The following MYO3B variants were observed in gnomAD, a reference collection of about 807,000 sequenced individuals.
MYO3B encodes the protein myosin-IIIb.
A neutral mutation model predicts 174.6 loss-of-function variants in MYO3B; 156 were observed. The ratio of observed to expected loss-of-function variants is 0.89; its 90% CI spans 0.78 to 1.02. The LOEUF is 1.02. Among genes scored for constraint, MYO3B ranks in the 50% least tolerant of loss-of-function variants. The pLI, the probability that MYO3B is intolerant of heterozygous loss-of-function variation, is 0.00. For synonymous variants in MYO3B, 563 were observed against 569.1 expected, an observed-to-expected ratio of 0.99 and a Z score of 0.15; for missense variants, 1,632 against 1,639.4, an observed-to-expected ratio of 1.00 and a Z score of 0.08.
intron 3 of MYO3B, among the ~76,000 whole-genome samples, chr2:170,207,959 G>T (rs11898600): frequency 0.39 from 59,354 of 151,976 alleles, 11,521 homozygotes; most frequent in East Asian, 0.46. Context: ...TTAAAAGGGA[G>T]TCTGGGGGTG....
intron 22 of MYO3B, among the ~76,000 whole-genome samples, chr2:170,422,324 C>A (rs2094622187): frequency 6.6e-6 from 1 of 151,968 alleles, no homozygotes; most frequent in African/African-American, 2.4e-5. Flanking sequence ...TGCCTCAGCC[C>A]CCCAAGTAGT....
At position 170,466,467 on chromosome 2, in the gene MYO3B, G is replaced by T. The variant is rs772037236; in HGVS notation, c.2809-39G>T. ...TGTGTTGTAACTATCCATTGTGTTG[G>T]TGGTAACCTTGTTCCTTGTGCATTT... On this transcript the variant is annotated intron_variant, in intron 24 of 34. Coordinates refer to ENST00000408978, the MANE Select transcript of MYO3B (RefSeq NM_138995.5). 8 of 1,594,898 alleles carry T rather than the reference G, an allele frequency of 5.0e-6. No homozygotes were observed. In the Admixed American group the frequency reaches 1.3e-4, roughly 27 times the overall value.
chr2:170,484,278 T>C (rs990654582), intron 25 of MYO3B, among the ~76,000 whole-genome samples: 2 of 152,162 alleles, frequency 1.3e-5, no homozygotes, highest in African/African-American at 4.8e-5. Flanking sequence ...ACAGAGAGTA[T>C]GTGGATGATG....
At chr2:170,553,106 G>A (rs1161678886) in intron 32 of MYO3B, among the ~76,000 whole-genome samples, 1 of 152,196 alleles carries the variant, frequency 6.6e-6, no homozygotes, top group Non-Finnish European at 1.5e-5. Context: ...GAGCCTCATG[G>A]AGAACCTCTA....
chr2:170,276,611 T>C (rs2105381176), intron 7 of MYO3B, among the ~76,000 whole-genome samples: 1 of 152,262 alleles, frequency 6.6e-6, no homozygotes, highest in East Asian at 1.9e-4. Flanking sequence ...AATCATGAAA[T>C]TGATATGAGA....
chr2:170,301,808 A>G (rs2093666832), intron 7 of MYO3B, among the ~76,000 whole-genome samples: 2 of 145,508 alleles, frequency 1.4e-5, no homozygotes, highest in South Asian at 4.7e-4. Flanking sequence ...GTGTAACAGT[A>G]TGTGCAAGGT....
chr2:170,432,122 GTTA>G (rs1201215695), intron 22 of MYO3B, among the ~76,000 whole-genome samples: 1 of 152,178 alleles, frequency 6.6e-6, no homozygotes, highest in East Asian at 1.9e-4. Context: ...AGGCTTTTAA[GTTA>G]TTATTTTAGC....
intron 16 of MYO3B, among the ~76,000 whole-genome samples, chr2:170,398,056 T>C (rs2094451163): frequency 6.6e-6 from 1 of 151,914 alleles, no homozygotes; most frequent in Non-Finnish European, 1.5e-5. Flanking sequence ...ATGCCATCTC[T>C]ACTAAAAATA....
intron 32 of MYO3B, among the ~76,000 whole-genome samples, chr2:170,612,417 ACTTT>A (rs1483568400): frequency 1.3e-5 from 2 of 152,084 alleles, no homozygotes; most frequent in African/African-American, 4.8e-5. Context: ...AACCTCTATC[ACTTT>A]CTAACATTCT....
rs376924217 is a variant in MYO3B at position 170,300,954 on chromosome 2, GT to G, written c.750-34428del. 3.9e-4 allele frequency among the ~76,000 whole-genome samples: 60 copies of G among 152,320 alleles called. No homozygotes were observed. The East Asian group carries it at 0.011, about 27-fold the overall frequency. Reference sequence around the variant, plus strand: ...GAAGAGGTGCTGAATTACAAAGGGAGTTTAGTTAGTTAGTTGATGAACCATG... The same window carrying G: ...GAAGAGGTGCTGAATTACAAAGGGAGTTAGTTAGTTAGTTGATGAACCATG... On this transcript the variant is annotated intron_variant, in intron 7 of 34. Coordinates refer to ENST00000408978, the MANE Select transcript of MYO3B (RefSeq NM_138995.5).
intron 23 of MYO3B, among the ~76,000 whole-genome samples, chr2:170,453,469 AAAGAG>A (rs1199991039): frequency 1.3e-5 from 2 of 148,216 alleles, no homozygotes; most frequent in East Asian, 4.0e-4. Flanking sequence ...AGAGAGAGAG[AAAGAG>A]AGAGCGACCA....
chr2:170,286,124 T>C (rs1022891285), intron 7 of MYO3B, among the ~76,000 whole-genome samples: 3 of 152,356 alleles, frequency 2.0e-5, no homozygotes, highest in African/African-American at 2.4e-5. Flanking sequence ...TTTGATATTA[T>C]AAAGCAGACC....
intron 8 of MYO3B, chr2:170,341,511 T>C (rs1249846658): frequency 1.3e-5 from 2 of 152,244 alleles, no homozygotes; most frequent in African/African-American, 4.8e-5. Context: ...GTGGTATCTC[T>C]AGTGACAGAC....
chr2:170,485,324 T>C (rs1284768396), intron 25 of MYO3B, among the ~76,000 whole-genome samples: 1 of 151,862 alleles, frequency 6.6e-6, no homozygotes, highest in Non-Finnish European at 1.5e-5. Flanking sequence ...TAATTCCATT[T>C]CCCAGCATCT....
intron 1 of MYO3B, among the ~76,000 whole-genome samples, chr2:170,185,331 C>T (rs2092448874): frequency 1.3e-5 from 2 of 151,794 alleles, no homozygotes; most frequent in Non-Finnish European, 3.0e-5. Flanking sequence ...GTCTTTAATC[C>T]ATTTAGATTT....
At chr2:170,622,324 T>G (rs1695992633) in intron 32 of MYO3B, among the ~76,000 whole-genome samples, 1 of 152,204 alleles carries the variant, frequency 6.6e-6, no homozygotes, top group Non-Finnish European at 1.5e-5. Flanking sequence ...ATATCCTCAA[T>G]TAGTGCTTAT....
chr2:170,648,411 C>T (rs987519571), intron 32 of MYO3B, among the ~76,000 whole-genome samples: 1 of 151,900 alleles, frequency 6.6e-6, no homozygotes, highest in Admixed American at 6.6e-5. Flanking sequence ...GGGCAGATGA[C>T]TTGAGGTCAG....
intron 1 of MYO3B, among the ~76,000 whole-genome samples, chr2:170,198,058 G>A (rs559948116): frequency 3.3e-5 from 5 of 150,872 alleles, no homozygotes; most frequent in African/African-American, 1.2e-4. Context: ...TAGGGCCTCT[G>A]AAAAGATATG....
At chr2:170,358,024 C>A (rs1030536299) in intron 8 of MYO3B, among the ~76,000 whole-genome samples, 8 of 151,780 alleles carry the variant, frequency 5.3e-5, no homozygotes, top group Non-Finnish European at 1.0e-4. Context: ...CGGTGGGGAG[C>A]GCCTGTAATC....
Sources: allele counts gnomAD v4.1 joint callset (sites outside exome capture counted in the v4.1 genomes callset), GRCh38; gene constraint gnomAD v4.1.1; transcripts MANE v1.5; gene names NCBI Gene and HGNC (gene_info 2026-07-23, HGNC 2026-07-21).